The following ZNF277 variants were observed in gnomAD, a reference collection of about 807,000 sequenced individuals.
The protein encoded by ZNF277 is nuclear receptor-interacting factor 4.
A neutral mutation model predicts 60.7 loss-of-function variants in ZNF277; 55 were observed. That is an observed-to-expected ratio of 0.91 (90% CI 0.73 to 1.13). The LOEUF (loss-of-function observed/expected upper bound fraction) is 1.13, where lower values mean the gene tolerates loss of function less well. ZNF277 is among the 50% of genes most tolerant of loss of function. ZNF277 has a pLI of 0.00. For synonymous variants in ZNF277, 178 were observed against 179.3 expected (o/e 0.99, Z 0.06); for missense variants, 510 against 523.0 (o/e 0.98, Z 0.24).
chr7:112,226,475 A>G (rs1189792640), intron 1 of ZNF277, among the ~76,000 whole-genome samples: 1 of 152,196 alleles, frequency 6.6e-6, no homozygotes, highest in East Asian at 1.9e-4. Context: ...TTACTCTTCA[A>G]ATCAGCATCT....
intron 1 of ZNF277, among the ~76,000 whole-genome samples, chr7:112,225,711 A>C (rs1822156656): frequency 6.6e-6 from 1 of 152,218 alleles, no homozygotes; most frequent in Non-Finnish European, 1.5e-5. Flanking sequence ...AATGGACTGA[A>C]AAGAAATTCA....
In ZNF277 at chr7:112,342,871, T is replaced by A; in HGVS notation, c.*142T>A. ...GTGAAATAAACTTTTCAAAAATGAA[T>A]GTTCTTTTCAAAAAATAAAGTAGAA... On this transcript the variant is annotated 3_prime_UTR_variant, in exon 12 of 12. Coordinates refer to ENST00000361822, the MANE Select transcript of ZNF277 (RefSeq NM_021994.3). The A allele has an allele frequency of 1.6e-6, 1 of 612,080 alleles. No homozygotes were observed. Among genetic ancestry groups the A allele is most frequent in the Admixed American group, 4.3e-5 (1 of 23,480 alleles). 37.9% of individuals were successfully genotyped at this position (612,080 alleles called of 1,614,324 possible). A position where few individuals can be genotyped will look rare whatever the true frequency, so the allele number is the denominator to read the frequency against.
chr7:112,247,318 T>G (rs1023093154), intron 1 of ZNF277, among the ~76,000 whole-genome samples: 7 of 152,132 alleles, frequency 4.6e-5, no homozygotes, highest in African/African-American at 1.7e-4. Flanking sequence ...TGGTCAACAT[T>G]AGCTAGGGTA....
chr7:112,291,282 T>C (rs1181002091), intron 2 of ZNF277, among the ~76,000 whole-genome samples: 1 of 152,148 alleles, frequency 6.6e-6, no homozygotes, highest in Non-Finnish European at 1.5e-5. Context: ...TTCAAACCTT[T>C]ATGACTATGT....
chr7:112,340,717 G>A (rs541848508), intron 10 of ZNF277, among the ~76,000 whole-genome samples, 155 bp from the exon 11 acceptor site: 96 of 152,230 alleles, frequency 6.3e-4, no homozygotes, highest in African/African-American at 2.1e-3. Flanking sequence ...GTGTAAATAT[G>A]TGCTGTTATT....
At chr7:112,303,515 C>G (rs908746217) in intron 4 of ZNF277, among the ~76,000 whole-genome samples, 4 of 152,018 alleles carry the variant, frequency 2.6e-5, no homozygotes, top group Non-Finnish European at 5.9e-5. Context: ...TAATCCTATA[C>G]CGAGTCATGC....
intron 1 of ZNF277, among the ~76,000 whole-genome samples, chr7:112,234,738 TTATAA>T (rs1301779833): frequency 1.3e-5 from 2 of 152,090 alleles, no homozygotes; most frequent in African/African-American, 4.8e-5. Flanking sequence ...ATTATTTATA[TTATAA>T]AATTCAAATT....
chr7:112,296,921 T>TA (rs1277697346), intron 4 of ZNF277, among the ~76,000 whole-genome samples: 1,004 of 72,268 alleles, frequency 0.014, 12 homozygotes, highest in African/African-American at 0.034. Context: ...TATTTTTTTT[T>TA]TTTTTTTTTT....
intron 4 of ZNF277, among the ~76,000 whole-genome samples, chr7:112,305,169 A>T (rs1376327018): frequency 2.0e-5 from 3 of 152,086 alleles, no homozygotes; most frequent in Non-Finnish European, 4.4e-5. Flanking sequence ...AGGCGAGAGA[A>T]TCGCTTGAAC....
chr7:112,328,661 G>A (rs1371367378), intron 6 of ZNF277, among the ~76,000 whole-genome samples: 7 of 152,114 alleles, frequency 4.6e-5, no homozygotes, highest in African/African-American at 1.2e-4. Flanking sequence ...ACCTGAGCTC[G>A]GGATTTTGAG....
intron 1 of ZNF277, among the ~76,000 whole-genome samples, chr7:112,257,291 C>CATT (rs2117018331): frequency 6.6e-6 from 1 of 152,302 alleles, no homozygotes; most frequent in African/African-American, 2.4e-5. Context: ...GGACACTGTG[C>CATT]TAGGTGGTAG....
At chr7:112,306,584 T>C (rs1023949991) in intron 4 of ZNF277, among the ~76,000 whole-genome samples, 1 of 152,026 alleles carries the variant, frequency 6.6e-6, no homozygotes, top group Non-Finnish European at 1.5e-5. Flanking sequence ...AAAAAGGGAA[T>C]GCATTTTAGA....
At chr7:112,333,199 A>G (rs932468460) in intron 7 of ZNF277, among the ~76,000 whole-genome samples, 1 of 152,150 alleles carries the variant, frequency 6.6e-6, no homozygotes, top group Non-Finnish European at 1.5e-5. Context: ...CTGAGGGAAA[A>G]GGCTGACATG....
chr7:112,327,661 C>A, intron 5 of ZNF277, 56 bp from the exon 6 acceptor site: 1 of 1,396,932 alleles, frequency 7.2e-7, no homozygotes, highest in South Asian at 1.2e-5. Flanking sequence ...TATTCCAACC[C>A]AAATGTGTTC....
intron 4 of ZNF277, among the ~76,000 whole-genome samples, chr7:112,296,928 T>TTA (rs1792364515): frequency 1.7e-5 from 1 of 60,558 alleles, no homozygotes; most frequent in Non-Finnish European, 2.9e-5. Context: ...TTTTTTTTTT[T>TTA]TTTTTTTTTT....
chr7:112,269,039 T>C (rs1253731606), intron 1 of ZNF277, among the ~76,000 whole-genome samples: 1 of 152,152 alleles, frequency 6.6e-6, no homozygotes, highest in Admixed American at 6.5e-5. Flanking sequence ...ATTAATATGA[T>C]AATACCTGAC....
chr7:112,249,206 T>A (rs1791146679), intron 1 of ZNF277, among the ~76,000 whole-genome samples: 1 of 152,188 alleles, frequency 6.6e-6, no homozygotes, highest in Non-Finnish European at 1.5e-5. Context: ...CAGTTTTCTG[T>A]CTAAAGCAAT....
intron 1 of ZNF277, among the ~76,000 whole-genome samples, chr7:112,241,952 A>G (rs965475207): frequency 2.0e-5 from 3 of 152,114 alleles, no homozygotes; most frequent in African/African-American, 4.8e-5. Flanking sequence ...CAGCAGGTTG[A>G]CTACAGTCAA....
chr7:112,293,089 G>C (rs990661047), intron 2 of ZNF277, among the ~76,000 whole-genome samples: 1 of 152,104 alleles, frequency 6.6e-6, no homozygotes, highest in African/African-American at 2.4e-5. Flanking sequence ...GTTTCAGAAA[G>C]ATTAAATAAC....
Sources: gnomAD v4.1 joint callset for allele counts (sites outside exome capture counted in the v4.1 genomes callset) on GRCh38, gnomAD v4.1.1 for gene constraint, MANE v1.5 for transcripts, NCBI Gene and HGNC (gene_info 2026-07-23, HGNC 2026-07-21) for gene names.